The following SHOC2 variants were observed in gnomAD, a reference collection of about 807,000 sequenced individuals.
SHOC2 encodes the protein SHOC2 leucine rich repeat scaffold protein.
SHOC2 carries 4 observed loss-of-function variants against 50.2 expected under a neutral mutation model. The ratio of observed to expected loss-of-function variants is 0.08; its 90% CI spans 0.04 to 0.18. The LOEUF is 0.18. SHOC2 is among the 10% of genes least tolerant of loss of function. The pLI, the probability that SHOC2 is intolerant of heterozygous loss-of-function variation, is 1.00. For synonymous variants in SHOC2, 218 were observed against 244.5 expected (o/e 0.89, Z 1.01); for missense variants, 388 against 669.6 (o/e 0.58, Z 4.64).
intron 4 of SHOC2, 49 bp from the exon 5 acceptor site, chr10:111,004,557 G>T: frequency 7.4e-7 from 1 of 1,357,914 alleles, no homozygotes. Context: ...TATAAAAAAT[G>T]AGTCTCATCA....
intron 1 of SHOC2, among the ~76,000 whole-genome samples, chr10:110,939,661 A>G (rs146654829): frequency 3.3e-4 from 50 of 152,372 alleles, no homozygotes; most frequent in African/African-American, 1.1e-3. Flanking sequence ...TAATATATGT[A>G]GAACTCAAGT....
At chr10:110,936,097 T>A (rs1054894307) in intron 1 of SHOC2, among the ~76,000 whole-genome samples, 29 of 145,508 alleles carry the variant, frequency 2.0e-4, no homozygotes, top group Non-Finnish European at 3.5e-4. Flanking sequence ...CTTCACTGAT[T>A]TTTTTTTTTT....
At chr10:110,986,262 A>G (rs1848074117) in intron 3 of SHOC2, among the ~76,000 whole-genome samples, 4 of 152,178 alleles carry the variant, frequency 2.6e-5, no homozygotes, top group Admixed American at 6.5e-5. Context: ...CCAAATTGCA[A>G]AAAATTGAAT....
chr10:111,002,234 A>G (rs910651947), intron 4 of SHOC2, among the ~76,000 whole-genome samples: 1 of 152,176 alleles, frequency 6.6e-6, no homozygotes, highest in Admixed American at 6.5e-5. Flanking sequence ...GTCATAATTT[A>G]AAAGTAATCA....
intron 1 of SHOC2, among the ~76,000 whole-genome samples, chr10:110,957,017 G>A (rs1337838220): frequency 9.9e-5 from 15 of 152,262 alleles, no homozygotes; most frequent in Non-Finnish European, 1.2e-4. Flanking sequence ...CAGAGATCAA[G>A]AAAACAAGCT....
chr10:111,000,620 AT>A, intron 4 of SHOC2, 75 bp downstream of exon 4: 1 of 1,293,896 alleles, frequency 7.7e-7, no homozygotes, highest in Non-Finnish European at 1.1e-6. Flanking sequence ...GTAAATCTTT[AT>A]AGCAGGGTAA....
At chr10:110,990,200 C>A (rs564653593) in intron 3 of SHOC2, among the ~76,000 whole-genome samples, 14 of 152,376 alleles carry the variant, frequency 9.2e-5, no homozygotes, top group African/African-American at 2.9e-4. Flanking sequence ...GGTGCGGGAT[C>A]CACTAGGTGA....
chr10:110,936,136 G>A (rs770516672), intron 1 of SHOC2, among the ~76,000 whole-genome samples: 4 of 142,352 alleles, frequency 2.8e-5, no homozygotes, highest in South Asian at 2.2e-4. Flanking sequence ...CGCTATTGTC[G>A]CCCAGGTTGG....
At chr10:110,952,111 T>C (rs997357354) in intron 1 of SHOC2, among the ~76,000 whole-genome samples, 3 of 151,104 alleles carry the variant, frequency 2.0e-5, no homozygotes, top group Non-Finnish European at 4.4e-5. Flanking sequence ...TAGTTAACCT[T>C]AATTTTTTGC....
At chr10:110,970,149 A>G (rs148894456) in intron 2 of SHOC2, among the ~76,000 whole-genome samples, 40 of 152,224 alleles carry the variant, frequency 2.6e-4, no homozygotes, top group African/African-American at 9.4e-4. Context: ...AATTCCTCCT[A>G]TCTAGCTGTA....
At position 111,009,380 on chromosome 10, in the gene SHOC2, T is replaced by A. The variant is rs767686810; in HGVS notation, c.1417T>A (p.Leu473Ile). The change falls in exon 7 of 9, where the codon TTA becomes ATA. Residue 473 changes from leucine to isoleucine, a missense_variant. Around this residue, in one of 5 missense-constraint regions of SHOC2, gnomAD observed 130 missense variants for 208.6 expected, o/e 0.62. Coordinates refer to ENST00000369452, the MANE Select transcript of SHOC2 (RefSeq NM_007373.4). Reference sequence around the variant, plus strand: ...AAATGAAATTGCATATCTTAAGGATTTACAGGTAAACATTATGCTGATTTT... The same window carrying A: ...AAATGAAATTGCATATCTTAAGGATATACAGGTAAACATTATGCTGATTTT... Reference protein sequence around the residue: ...LPNEIAYLKDLQKLVLTNNQL... With the variant: ...LPNEIAYLKDIQKLVLTNNQL... 8.7e-6 allele frequency: 14 copies of A among 1,609,018 alleles called. No homozygotes were observed. Among genetic ancestry groups the A allele is most frequent in the Non-Finnish European group, 1.1e-5 (13 of 1,175,866 alleles).
chr10:111,007,755 T>C, intron 6 of SHOC2, 102 bp downstream of exon 6: 1 of 1,176,426 alleles, frequency 8.5e-7, no homozygotes, highest in Non-Finnish European at 1.3e-6. Flanking sequence ...GTGAATGTCA[T>C]AATTAGAAAT....
At chr10:110,946,789 G>A (rs11818747) in intron 1 of SHOC2, among the ~76,000 whole-genome samples, 11,501 of 152,178 alleles carry the variant, frequency 0.076, 598 homozygotes, top group African/African-American at 0.15. Context: ...GTGGAGTCTT[G>A]GAGGTTGGAG....
chr10:111,010,749 CTT>C (rs1848552032), intron 8 of SHOC2, among the ~76,000 whole-genome samples: 1 of 152,068 alleles, frequency 6.6e-6, no homozygotes, highest in African/African-American at 2.4e-5. Context: ...GGCTTTGTGA[CTT>C]TAGGTAAGGT....
intron 1 of SHOC2, among the ~76,000 whole-genome samples, chr10:110,933,969 A>G (rs922426641): frequency 1.3e-5 from 2 of 152,186 alleles, no homozygotes. Flanking sequence ...CGATGTAGCT[A>G]TTAGCTGTAT....
chr10:110,919,672 A>AT lies in SHOC2; in HGVS notation c.-235+16dup, dbSNP rs1199781490. On this transcript the variant is annotated intron_variant, in intron 1 of 8. Coordinates refer to ENST00000369452, the MANE Select transcript of SHOC2 (RefSeq NM_007373.4). ...GGCTCCTGACGGTAACTCGGGGCCG[A>AT]TGAGGCGGAGGGTGTCTGTTGGTCG... 3 of 398,538 alleles carry AT rather than the reference A, an allele frequency of 7.5e-6. No individual in the cohort carries two copies. The highest frequency in any genetic ancestry group is 1.3e-5 in the Non-Finnish European group (3 of 226,282). 24.7% of individuals were successfully genotyped at this position (398,538 alleles called of 1,614,324 possible). A position where few individuals can be genotyped will look rare whatever the true frequency, so the allele number is the denominator to read the frequency against.
intron 1 of SHOC2, chr10:110,937,336 C>G: frequency 1.6e-6 from 1 of 644,470 alleles, no homozygotes; most frequent in Non-Finnish European, 2.8e-6. Context: ...TCAAATGTTT[C>G]AAGCAAGGGA....
At chr10:110,936,863 AG>A in intron 1 of SHOC2, 1 of 1,357,082 alleles carries the variant, frequency 7.4e-7, no homozygotes, top group Non-Finnish European at 1.1e-6. Context: ...CACAACCTTG[AG>A]GGCAGCAGGA....
chr10:110,948,391 C>T (rs924469181), intron 1 of SHOC2, among the ~76,000 whole-genome samples: 2 of 152,120 alleles, frequency 1.3e-5, no homozygotes, highest in African/African-American at 2.4e-5. Context: ...GCCAAATGGA[C>T]GTAACAGGCA....
Sources: gnomAD v4.1 joint callset for allele counts (sites outside exome capture counted in the v4.1 genomes callset) on GRCh38, gnomAD v4.1.1 for gene constraint, gnomAD v4.1.1 regional missense constraint, MANE v1.5 for transcripts, NCBI Gene and HGNC (gene_info 2026-07-23, HGNC 2026-07-21) for gene names.